RNGTT: variants seen among roughly 807,000 people sequenced by gnomAD.
The protein encoded by RNGTT is RNA guanylyltransferase and 5'-phosphatase, also known as mRNA-capping enzyme.
RNGTT carries 33 observed loss-of-function variants against 79.3 expected under a neutral mutation model. The ratio of observed to expected loss-of-function variants is 0.42; its 90% CI spans 0.32 to 0.56. RNGTT has a LOEUF of 0.56. Ranked by LOEUF, RNGTT falls within the 20% of genes least tolerant of loss-of-function variation. The pLI is 0.17. For synonymous variants in RNGTT, 222 were observed against 235.9 expected (o/e 0.94, Z 0.54); for missense variants, 497 against 739.1 (o/e 0.67, Z 3.80).
chr6:88,766,959 A>C (rs1173944423), intron 13 of RNGTT, among the ~76,000 whole-genome samples: 1 of 152,144 alleles, frequency 6.6e-6, no homozygotes, highest in East Asian at 1.9e-4. Flanking sequence ...CATATTTCTT[A>C]CAGTGTTCTC....
chr6:88,748,127 T>C (rs901147496), intron 13 of RNGTT, among the ~76,000 whole-genome samples: 12 of 152,112 alleles, frequency 7.9e-5, no homozygotes, highest in Non-Finnish European at 1.5e-4. Context: ...AATGAACTCT[T>C]TCCTGACCCT....
At chr6:88,895,085 T>G (rs2127936919) in intron 6 of RNGTT, among the ~76,000 whole-genome samples, 2 of 152,268 alleles carry the variant, frequency 1.3e-5, no homozygotes, top group South Asian at 4.1e-4. Flanking sequence ...AAAAAGTATG[T>G]TTATAGAAAT....
At chr6:88,803,482 C>A (rs547813899) in intron 11 of RNGTT, among the ~76,000 whole-genome samples, 37 of 147,210 alleles carry the variant, frequency 2.5e-4, no homozygotes, top group Admixed American at 2.4e-3. Flanking sequence ...AAGGCCGAGG[C>A]AGGAGAATCA....
At chr6:88,893,178 T>C (rs1395916165) in intron 6 of RNGTT, among the ~76,000 whole-genome samples, 1 of 152,122 alleles carries the variant, frequency 6.6e-6, no homozygotes, top group Non-Finnish European at 1.5e-5. Flanking sequence ...GTTTGTAACA[T>C]ATTTACTTAT....
At chr6:88,779,873 G>T (rs1262927035) in intron 12 of RNGTT, among the ~76,000 whole-genome samples, 4 of 152,126 alleles carry the variant, frequency 2.6e-5, no homozygotes, top group Admixed American at 6.5e-5. Flanking sequence ...CATGTTTGTA[G>T]TCCCAGCCAC....
In RNGTT at chr6:88,610,787, C is replaced by G. The variant is rs954237122; in HGVS notation, c.*1932G>C. 1 of 152,166 alleles carries G rather than the reference C, an allele frequency of 6.6e-6. No individual in the cohort carries two copies. 9.4% of individuals were successfully genotyped at this position (152,166 alleles called of 1,614,324 possible). ...TAACTCATTTGAAAGGTTACAATTA[C>G]CATAAACATTTTAACTCCATTAAAG... On this transcript the variant is annotated 3_prime_UTR_variant, in exon 16 of 16. Coordinates refer to ENST00000369485, the MANE Select transcript of RNGTT (RefSeq NM_003800.5).
At chr6:88,681,244 C>T (rs1173821929) in intron 13 of RNGTT, among the ~76,000 whole-genome samples, 2 of 152,150 alleles carry the variant, frequency 1.3e-5, no homozygotes, top group African/African-American at 4.8e-5. Context: ...TATGCATATG[C>T]ATTTCAGGAA....
intron 13 of RNGTT, among the ~76,000 whole-genome samples, chr6:88,739,402 A>G (rs1777393037): frequency 6.6e-6 from 1 of 152,100 alleles, no homozygotes; most frequent in South Asian, 2.1e-4. Flanking sequence ...CTAAGAGAAA[A>G]CAGCTTTCCT....
At chr6:88,961,995 A>C (rs1301440741) in intron 1 of RNGTT, among the ~76,000 whole-genome samples, 2 of 152,270 alleles carry the variant, frequency 1.3e-5, no homozygotes, top group Admixed American at 6.5e-5. Flanking sequence ...CTATTGATAC[A>C]TGCATAATCT....
chr6:88,868,032 G>T (rs1004758865), intron 8 of RNGTT, among the ~76,000 whole-genome samples: 1 of 152,052 alleles, frequency 6.6e-6, no homozygotes, highest in Non-Finnish European at 1.5e-5. Context: ...AGTCACATAA[G>T]TAGGTGAAGT....
chr6:88,902,937 AC>A (rs1457690733), intron 6 of RNGTT, among the ~76,000 whole-genome samples: 1 of 151,620 alleles, frequency 6.6e-6, no homozygotes, highest in Non-Finnish European at 1.5e-5. Flanking sequence ...CTCACGATCC[AC>A]CCACCTCGGC....
intron 13 of RNGTT, among the ~76,000 whole-genome samples, chr6:88,684,043 T>C (rs904720491): frequency 1.3e-5 from 2 of 149,810 alleles, no homozygotes; most frequent in Non-Finnish European, 2.9e-5. Context: ...AAGAAAAAAA[T>C]AATAATCTGA....
intron 14 of RNGTT, among the ~76,000 whole-genome samples, chr6:88,633,575 A>G (rs1168151368): frequency 6.6e-6 from 1 of 152,198 alleles, no homozygotes; most frequent in African/African-American, 2.4e-5. Context: ...AATAAGCTCA[A>G]TCGGGATGGA....
At chr6:88,617,968 T>G (rs1772296016) in intron 14 of RNGTT, among the ~76,000 whole-genome samples, 1 of 152,218 alleles carries the variant, frequency 6.6e-6, no homozygotes, top group Admixed American at 6.5e-5. Flanking sequence ...TCATATGTAC[T>G]TTACAAGAAT....
At chr6:88,616,522 T>A (rs554610764) in intron 14 of RNGTT, among the ~76,000 whole-genome samples, 4,530 of 152,094 alleles carry the variant, frequency 0.03, 228 homozygotes, top group African/African-American at 0.1. Context: ...TCCTTTTTTT[T>A]TTAAAAAAAA....
rs1050475313 is a variant in RNGTT, at chr6:88,896,233, G to T, written c.685-4318C>A. 2.0e-5 allele frequency among the ~76,000 whole-genome samples: 3 copies of T among 152,204 alleles called. No homozygotes were observed. The South Asian group carries it at 6.2e-4, about 32-fold the overall frequency. On this transcript the variant is annotated intron_variant, in intron 6 of 15. Coordinates refer to ENST00000369485, the MANE Select transcript of RNGTT (RefSeq NM_003800.5). The stretch of plus-strand genomic sequence containing the variant: ...GTACTGGCATAACAACTCTCTTTAA[G>T]GGCTGCCCTCCCAACCCACAAAGAT...
At chr6:88,853,212 TA>T (rs1781727715) in intron 9 of RNGTT, among the ~76,000 whole-genome samples, 1 of 152,158 alleles carries the variant, frequency 6.6e-6, no homozygotes, top group African/African-American at 2.4e-5. Context: ...AACATCCTAA[TA>T]AAAGTTAGAT....
At chr6:88,934,018 A>C (rs535252973) in intron 2 of RNGTT, among the ~76,000 whole-genome samples, 1 of 151,906 alleles carries the variant, frequency 6.6e-6, no homozygotes, top group Non-Finnish European at 1.5e-5. Context: ...TTTTGTCTTT[A>C]TAATAGTTTT....
At chr6:88,618,797 T>A (rs113753900) in intron 14 of RNGTT, among the ~76,000 whole-genome samples, 2,060 of 152,340 alleles carry the variant, frequency 0.014, 42 homozygotes, top group African/African-American at 0.047. Context: ...CTCAAGATTT[T>A]AAATTAGCAG....
Sources: allele counts gnomAD v4.1 joint callset (sites outside exome capture counted in the v4.1 genomes callset), GRCh38; gene constraint gnomAD v4.1.1; transcripts MANE v1.5; gene names NCBI Gene and HGNC (gene_info 2026-07-23, HGNC 2026-07-21).